Variants in GRID2 observed in about 807,000 individuals in gnomAD.
The protein encoded by GRID2 is glutamate receptor ionotropic, delta-2.
In GRID2, 33 loss-of-function variants were observed where a neutral mutation model predicts 114.8. The ratio of observed to expected loss-of-function variants is 0.29; its 90% CI spans 0.22 to 0.38. The LOEUF (loss-of-function observed/expected upper bound fraction) is 0.38. Ranked by LOEUF, GRID2 falls within the 10% of genes least tolerant of loss-of-function variation. The pLI is 1.00. For missense variants in GRID2, 1,184 were observed against 1,257.7 expected (o/e 0.94, Z 0.89); for synonymous variants, 505 against 449.9 (o/e 1.12, Z -1.55).
chr4:93,631,643 C>T (rs1277446672), intron 14 of GRID2, among the ~76,000 whole-genome samples: 1 of 152,146 alleles, frequency 6.6e-6, no homozygotes, highest in African/African-American at 2.4e-5. Context: ...GGTTCCAAGT[C>T]TTTGCTATTG....
At chr4:92,847,105 G>C (rs952972874) in intron 2 of GRID2, among the ~76,000 whole-genome samples, 4 of 152,036 alleles carry the variant, frequency 2.6e-5, no homozygotes, top group Non-Finnish European at 5.9e-5. Flanking sequence ...TTAAGAAATG[G>C]AATATGTTGC....
At chr4:93,111,222 G>A (rs1732733616) in intron 4 of GRID2, among the ~76,000 whole-genome samples, 2 of 152,166 alleles carry the variant, frequency 1.3e-5, no homozygotes, top group Non-Finnish European at 1.5e-5. Context: ...TAAAAGTGCT[G>A]TTGACCTGAA....
chr4:92,987,602 AAT>A (rs1368362094), intron 2 of GRID2, among the ~76,000 whole-genome samples: 8 of 152,080 alleles, frequency 5.3e-5, no homozygotes, highest in Non-Finnish European at 1.2e-4. Context: ...ATTAAAAAAA[AAT>A]AAAAATAAGA....
intron 14 of GRID2, among the ~76,000 whole-genome samples, chr4:93,739,063 C>T (rs1047171431): frequency 3.9e-5 from 6 of 152,026 alleles, no homozygotes; most frequent in Non-Finnish European, 8.8e-5. Context: ...GAATCTGGGT[C>T]AGTCAGGAGC....
At chr4:92,477,928 A>C (rs11945497) in intron 1 of GRID2, among the ~76,000 whole-genome samples, 55,746 of 149,962 alleles carry the variant, frequency 0.37, 10,953 homozygotes, top group African/African-American at 0.5. Flanking sequence ...AAACTGTGTT[A>C]TTGGTACTAT....
At chr4:92,747,173 G>C (rs575798425) in intron 2 of GRID2, among the ~76,000 whole-genome samples, 1 of 151,802 alleles carries the variant, frequency 6.6e-6, no homozygotes, top group Non-Finnish European at 1.5e-5. Context: ...ATCTATTGCC[G>C]TTTTATAATG....
chr4:93,202,812 TAATACATGAGAA>T (rs1165131000), intron 4 of GRID2, among the ~76,000 whole-genome samples: 1 of 152,150 alleles, frequency 6.6e-6, no homozygotes, highest in Non-Finnish European at 1.5e-5. Context: ...CTCAATTTGA[TAATACATGAGAA>T]GCATAAACAA....
chr4:92,677,854 C>G (rs192792460), intron 2 of GRID2, among the ~76,000 whole-genome samples: 4 of 152,076 alleles, frequency 2.6e-5, no homozygotes, highest in African/African-American at 9.7e-5. Flanking sequence ...TGGTGAAAGG[C>G]TATTTTCCCT....
chr4:92,359,345 G>A (rs1728499491), intron 1 of GRID2, among the ~76,000 whole-genome samples: 1 of 151,936 alleles, frequency 6.6e-6, no homozygotes, highest in Non-Finnish European at 1.5e-5. Context: ...CTAGTTTTGA[G>A]TCATACAGTC....
At chr4:93,412,239 C>CA (rs1579995850) in intron 9 of GRID2, among the ~76,000 whole-genome samples, 10 of 148,998 alleles carry the variant, frequency 6.7e-5, no homozygotes, top group East Asian at 6.2e-4. Context: ...TCCCCCCCCC[C>CA]CAAAAAAAAA....
intron 1 of GRID2, among the ~76,000 whole-genome samples, chr4:92,470,116 C>T (rs991481478): frequency 6.6e-6 from 1 of 151,690 alleles, no homozygotes; most frequent in Non-Finnish European, 1.5e-5. Context: ...AAATTTTTAA[C>T]ACAGGATGGA....
intron 1 of GRID2, among the ~76,000 whole-genome samples, chr4:92,514,684 A>G (rs1365643901): frequency 6.6e-6 from 1 of 151,928 alleles, no homozygotes; most frequent in Non-Finnish European, 1.5e-5. Flanking sequence ...CATATAGACT[A>G]TGTGACAAAA....
chr4:92,784,994 GA>G (rs1273129613), intron 2 of GRID2, among the ~76,000 whole-genome samples: 1 of 150,930 alleles, frequency 6.6e-6, no homozygotes, highest in African/African-American at 2.4e-5. Flanking sequence ...AATCCTTTTA[GA>G]ATGTGGAAAA....
intron 1 of GRID2, among the ~76,000 whole-genome samples, chr4:92,534,804 C>T (rs1725529538): frequency 6.6e-6 from 1 of 152,040 alleles, no homozygotes. Flanking sequence ...ATTTTCCCAC[C>T]TTTATTAAAG....
At chr4:93,391,714 A>G (rs1251780388) in intron 8 of GRID2, among the ~76,000 whole-genome samples, 1 of 152,174 alleles carries the variant, frequency 6.6e-6, no homozygotes, top group Non-Finnish European at 1.5e-5. Flanking sequence ...GTCATTCCTT[A>G]CAGCCCATGG....
intron 1 of GRID2, among the ~76,000 whole-genome samples, chr4:92,312,283 G>A (rs181673662): frequency 6.6e-6 from 1 of 151,966 alleles, no homozygotes; most frequent in Non-Finnish European, 1.5e-5. Flanking sequence ...GGTATATTTG[G>A]GTTAAGATAA....
chr4:92,498,618 G>A (rs1043981455), intron 1 of GRID2, among the ~76,000 whole-genome samples: 3 of 151,668 alleles, frequency 2.0e-5, no homozygotes, highest in Non-Finnish European at 4.4e-5. Flanking sequence ...CTTAATGAAT[G>A]GACTAGGAAT....
At chr4:92,388,725 T>C (rs1457503602) in intron 1 of GRID2, among the ~76,000 whole-genome samples, 1 of 152,060 alleles carries the variant, frequency 6.6e-6, no homozygotes, top group African/African-American at 2.4e-5. Flanking sequence ...AGTTCCTGAA[T>C]CCTTGCCTTC....
chr4:93,128,640 A>T (rs904666639), intron 4 of GRID2, among the ~76,000 whole-genome samples: 1 of 152,166 alleles, frequency 6.6e-6, no homozygotes, highest in Non-Finnish European at 1.5e-5. Context: ...TGTCCTAATC[A>T]GGGCTAAGAA....
Sources: gnomAD v4.1 joint callset for allele counts (sites outside exome capture counted in the v4.1 genomes callset) on GRCh38, gnomAD v4.1.1 for gene constraint, MANE v1.5 for transcripts, NCBI Gene and HGNC (gene_info 2026-07-23, HGNC 2026-07-21) for gene names.